The following PDXK variants were observed in gnomAD, a reference collection of about 807,000 sequenced individuals.
PDXK encodes the protein pyridoxal kinase, also known as epididymis secretory sperm binding protein Li 1a.
A neutral mutation model predicts 43.2 loss-of-function variants in PDXK; 15 were observed. That is an observed-to-expected ratio of 0.35 (90% CI 0.23 to 0.53). The LOEUF is 0.53. Among genes scored for constraint, PDXK ranks in the 20% least tolerant of loss-of-function variants. PDXK has a pLI of 0.92. For missense variants in PDXK, 343 were observed against 417.0 expected (o/e 0.82, Z 1.54); for synonymous variants, 172 against 165.4 (o/e 1.04, Z -0.31).
At chr21:43,736,629 G>GTTTTTTTT (rs34234452) in intron 2 of PDXK, among the ~76,000 whole-genome samples, 67 of 118,624 alleles carry the variant, frequency 5.6e-4, no homozygotes, top group African/African-American at 2.1e-3. Flanking sequence ...TCCTTTTTCT[G>GTTTTTTTT]TTTTTTTTTT....
At chr21:43,729,571 G>A (rs919159623) in intron 1 of PDXK, among the ~76,000 whole-genome samples, 1 of 152,186 alleles carries the variant, frequency 6.6e-6, no homozygotes, top group African/African-American at 2.4e-5. Context: ...CGCAGCAGAC[G>A]CTCAAGGGCT....
intron 3 of PDXK, among the ~76,000 whole-genome samples, chr21:43,743,325 G>A (rs1427204607): frequency 1.5e-5 from 1 of 67,284 alleles, no homozygotes; most frequent in Admixed American, 1.4e-4. Context: ...CAGCTCCCGA[G>A]CACTGTGGGG....
chr21:43,748,190 C>T (rs1429081810), intron 5 of PDXK, among the ~76,000 whole-genome samples: 3 of 152,230 alleles, frequency 2.0e-5, no homozygotes, highest in East Asian at 3.9e-4. Context: ...TAAATTTGAT[C>T]GCTAAAGAAA....
At chr21:43,730,378 G>A (rs895373080) in intron 1 of PDXK, among the ~76,000 whole-genome samples, 13 of 152,018 alleles carry the variant, frequency 8.6e-5, no homozygotes, top group Admixed American at 6.6e-4. Context: ...CTCCCACCTC[G>A]GCCTCCCAAA....
intron 2 of PDXK, chr21:43,738,654 A>C (rs1320475371): frequency 1.3e-5 from 2 of 152,426 alleles, no homozygotes; most frequent in East Asian, 3.8e-4. Flanking sequence ...GACTGTGGAC[A>C]GACACACGAG....
rs542273269 is a variant in PDXK at position 43,743,633 on chromosome 21, A to C, written c.248-91A>C. On this transcript the variant is annotated intron_variant, in intron 3 of 10. Transcript: ENST00000291565. ...CCTCCCTCCCCAGCCACCCCTCTGCAGGGTCTGCTGGTGCTTCTCTTTCTT... is the reference window on the plus strand; with the variant it reads ...CCTCCCTCCCCAGCCACCCCTCTGCCGGGTCTGCTGGTGCTTCTCTTTCTT... 1.0e-4 allele frequency: 79 copies of C among 756,012 alleles called. No homozygotes were observed. In the East Asian group the frequency reaches 2.8e-3, roughly 27 times the overall value. The allele number at this position is 756,012 out of a possible 1,614,324, so 46.8% of individuals were successfully genotyped here.
At chr21:43,755,488 C>T (rs554463339) in intron 9 of PDXK, 17 of 586,942 alleles carry the variant, frequency 2.9e-5, no homozygotes, top group Non-Finnish European at 5.2e-5. Flanking sequence ...TAGCTGGGAC[C>T]GGGCATCTGC....
chr21:43,750,884 A>G (rs539591408), intron 7 of PDXK, among the ~76,000 whole-genome samples: 29 of 147,892 alleles, frequency 2.0e-4, no homozygotes, highest in South Asian at 4.3e-4. Context: ...ATGTGTGTCC[A>G]TGGGCGTGTG....
In PDXK at chr21:43,749,078, C is replaced by A. The variant is rs776748861; in HGVS notation, c.462C>A (p.Ala154=). 5 of 1,578,882 alleles carry A rather than the reference C, an allele frequency of 3.2e-6. No homozygotes were observed. Among genetic ancestry groups the A allele is most frequent in the Non-Finnish European group, 4.3e-6 (5 of 1,151,420 alleles). Residue 154 remains alanine, a splice_region_variant and synonymous_variant, in exon 6 of 11, where the codon GCC becomes GCA. Transcript: ENST00000291565. ...TTATCACGCCCAACCAGTTTGAGGC[C>A]GAGTAAGTCATTTTATTTTATTTTA... ...ADIITPNQFE[A]ELLSGRKIHS... is the part of the protein sequence containing the mutation.
chr21:43,732,080 G>C lies in PDXK; in HGVS notation c.88-1989G>C. On this transcript the variant is annotated intron_variant, in intron 1 of 10. Transcript: ENST00000291565. This position sits in a 1 kb window ranked among gnomAD's most constrained non-coding sequence, Gnocchi z 4.1. The stretch of plus-strand genomic sequence containing the variant: ...GGACGGTCACTACCGCTGCCCCTGT[G>C]GGGAGAAGAGCCCCGGGGGAAGAAG... 1 of 1,102,734 alleles carries C rather than the reference G, an allele frequency of 9.1e-7. No homozygotes were observed. Among genetic ancestry groups the C allele is most frequent in the Non-Finnish European group, 1.1e-6 (1 of 874,648 alleles). 68.3% of individuals were successfully genotyped at this position (1,102,734 alleles called of 1,614,324 possible).
At position 43,757,632 on chromosome 21, in the gene PDXK, A is replaced by T. The variant is rs1435866655; in HGVS notation, c.*1569A>T. 1 of 114,188 alleles carries T rather than the reference A, an allele frequency of 8.8e-6. No individual in the cohort carries two copies. The highest frequency in any genetic ancestry group is 3.4e-5 in the African/African-American group (1 of 29,026). 7.1% of individuals were successfully genotyped at this position (114,188 alleles called of 1,614,324 possible). On this transcript the variant is annotated 3_prime_UTR_variant, in exon 11 of 11. Transcript: ENST00000291565. ...CCCCCACCCCCTCCCCCACTCTCCC[A>T]CTCTGTTCGTTCTGAATGTCTTCAC... is the stretch of plus-strand genomic sequence containing the variant.
intron 2 of PDXK, chr21:43,736,849 T>C: frequency 1.5e-6 from 1 of 688,502 alleles, no homozygotes; most frequent in Non-Finnish European, 2.6e-6. Context: ...CCCAAGGTGG[T>C]CTTGAACTCC....
chr21:43,758,929 G>A lies in PDXK; in HGVS notation c.*2866G>A, dbSNP rs1445990877. 2 of 152,184 alleles carry A rather than the reference G, an allele frequency of 1.3e-5. No homozygotes were observed. Among genetic ancestry groups the A allele is most frequent in the Non-Finnish European group, 2.9e-5 (2 of 68,032 alleles). The allele number at this position is 152,184 out of a possible 1,614,324, so 9.4% of individuals were successfully genotyped here. ...TGCATCTGTTATTTTTCCAATACAT[G>A]TAAACAGTTGCAGCATGATGCTTTG... On this transcript the variant is annotated 3_prime_UTR_variant, in exon 11 of 11. Transcript: ENST00000291565.
In PDXK at chr21:43,759,784, C is replaced by T. The variant is rs2083904639; in HGVS notation, c.*3721C>T. 1 of 152,378 alleles carries T rather than the reference C, an allele frequency of 6.6e-6. No homozygotes were observed. Among genetic ancestry groups the T allele is most frequent in the African/African-American group, 2.4e-5 (1 of 41,472 alleles). 9.4% of individuals were successfully genotyped at this position (152,378 alleles called of 1,614,324 possible). On this transcript the variant is annotated 3_prime_UTR_variant, in exon 11 of 11. Coordinates refer to ENST00000291565, the MANE Select transcript of PDXK (RefSeq NM_003681.5). ...GCCTGCTGAGCCTTTTCCTTCCACG[C>T]CGCCTCTCACTGCCAGGCCAGCGGC... is the stretch of plus-strand genomic sequence containing the variant.
At chr21:43,746,815 CT>C (rs1037330536) in intron 5 of PDXK, among the ~76,000 whole-genome samples, 8 of 152,066 alleles carry the variant, frequency 5.3e-5, no homozygotes, top group African/African-American at 1.9e-4. Context: ...CTTTTTTTGG[CT>C]TTTTTCCCCT....
chr21:43,752,251 AC>A (rs940247603), intron 7 of PDXK, among the ~76,000 whole-genome samples: 3 of 152,218 alleles, frequency 2.0e-5, no homozygotes, highest in African/African-American at 7.2e-5. Flanking sequence ...CCATCTGTCC[AC>A]CCCCCAAGGG....
intron 3 of PDXK, 45 bp downstream of exon 3, chr21:43,741,816 C>T: frequency 1.5e-6 from 2 of 1,323,392 alleles, no homozygotes; most frequent in Non-Finnish European, 2.2e-6. Flanking sequence ...GCACCCCACT[C>T]CAGCCAGGGT....
At chr21:43,745,595 C>T (rs902809720) in intron 4 of PDXK, 26 of 164,248 alleles carry the variant, frequency 1.6e-4, no homozygotes, top group Admixed American at 6.8e-4. Flanking sequence ...CTGAATTGTA[C>T]GCTTAAACAT....
rs1382865534 is a variant in PDXK at position 43,757,298 on chromosome 21, GC to G, written c.*1237del. 1 of 152,478 alleles carries G rather than the reference GC, an allele frequency of 6.6e-6. No homozygotes were observed. Among genetic ancestry groups the G allele is most frequent in the African/African-American group, 2.4e-5 (1 of 41,480 alleles). The allele number at this position is 152,478 out of a possible 1,614,324, so 9.4% of individuals were successfully genotyped here. A position where few individuals can be genotyped will look rare whatever the true frequency, so the allele number is the denominator to read the frequency against. ...AGGCGGCAGTGCCTGTCCCTGGCCT[GC>G]CTTGATTTCAGCCACACCCCTGCAG... On this transcript the variant is annotated 3_prime_UTR_variant, in exon 11 of 11. Coordinates refer to ENST00000291565, the MANE Select transcript of PDXK (RefSeq NM_003681.5).
Sources: allele counts gnomAD v4.1 joint callset (sites outside exome capture counted in the v4.1 genomes callset), GRCh38; gene constraint gnomAD v4.1.1; non-coding constraint Gnocchi (gnomAD v3.1); transcripts MANE v1.5; gene names NCBI Gene and HGNC (gene_info 2026-07-23, HGNC 2026-07-21).